Variants in UBE2D2 observed in about 807,000 individuals in gnomAD.
UBE2D2 encodes the protein ubiquitin conjugating enzyme E2 D2.
Under a neutral mutation model 24.2 loss-of-function variants are expected in UBE2D2, and 2 were observed. The observed-to-expected ratio is 0.08, with a 90% CI of 0.03 to 0.26. The LOEUF (loss-of-function observed/expected upper bound fraction) is 0.26. UBE2D2 is among the 10% of genes least tolerant of loss of function. UBE2D2 has a pLI of 1.00. For missense variants in UBE2D2, 44 were observed against 177.6 expected, an observed-to-expected ratio of 0.25 and a Z score of 4.28; for synonymous variants, 58 against 56.5, an observed-to-expected ratio of 1.03 and a Z score of -0.12.
At chr5:139,611,263 TGCA>T (rs1754314236) in intron 2 of UBE2D2, among the ~76,000 whole-genome samples, 1 of 141,192 alleles carries the variant, frequency 7.1e-6, no homozygotes, top group Non-Finnish European at 1.5e-5. Context: ...CTCAGCTCAC[TGCA>T]GCATTCACCT....
rs1010485038 is a variant in UBE2D2, at chr5:139,549,220, C to T, written c.-64+22608C>T. 5.3e-5 allele frequency among the ~76,000 whole-genome samples: 8 copies of T among 152,158 alleles called. No individual in the cohort carries two copies. The South Asian group carries it at 6.2e-4, about 12-fold the overall frequency. ...CCCTCACTCATTCTGGGCGCCTCCT[C>T]GGCCTCGGCGTCCACTCTGGCTGCG... On this transcript the variant is annotated intron_variant, in intron 1 of 6. Transcript: ENST00000511725.
At chr5:139,623,347 A>T (rs370491056) in intron 5 of UBE2D2, 21 bp from the exon 6 acceptor site, 6 of 1,548,458 alleles carry the variant, frequency 3.9e-6, no homozygotes, top group Non-Finnish European at 5.3e-6. Context: ...CTGCTAATTT[A>T]TATGATTTTT....
chr5:139,601,863 T>C (rs933853272), intron 2 of UBE2D2, among the ~76,000 whole-genome samples: 1 of 147,458 alleles, frequency 6.8e-6, no homozygotes, highest in Non-Finnish European at 1.5e-5. Flanking sequence ...TGAGCTGAGA[T>C]TGTGCCACTG....
At chr5:139,563,218 C>A (rs1239156585) in intron 1 of UBE2D2, among the ~76,000 whole-genome samples, 2 of 152,200 alleles carry the variant, frequency 1.3e-5, no homozygotes, top group East Asian at 3.8e-4. Context: ...TTAAACACCT[C>A]AGCTCAGCGG....
At position 139,531,309 on chromosome 5, in the gene UBE2D2, G is replaced by A. The variant is rs567953265; in HGVS notation, c.-64+4697G>A. On this transcript the variant is annotated intron_variant, in intron 1 of 6. Coordinates refer to the UBE2D2 transcript ENST00000511725. The stretch of plus-strand genomic sequence containing the variant: ...TCCAGCCATTGTATAGAAGAACATT[G>A]TGAAATTCCCTGCCCTGTTCTGTTT... Among the ~76,000 whole-genome samples, 18 of 152,294 alleles carry A rather than the reference G, an allele frequency of 1.2e-4. 2 individuals are homozygous for A. The highest frequency in any genetic ancestry group is 4.1e-4 in the African/African-American group (17 of 41,558).
chr5:139,556,835 CT>C (rs563152839), upstream of UBE2D2, among the ~76,000 whole-genome samples: 1,708 of 144,158 alleles, frequency 0.012, 13 homozygotes, highest in African/African-American at 0.033. Flanking sequence ...TAGTTCCATA[CT>C]TTTTTTTTTT....
intron 1 of UBE2D2, among the ~76,000 whole-genome samples, chr5:139,583,446 C>G (rs1476514811): frequency 6.6e-6 from 1 of 152,068 alleles, no homozygotes; most frequent in African/African-American, 2.4e-5. Context: ...TTGTGCATGA[C>G]AAATATATAC....
rs546641800 is a variant in UBE2D2, at chr5:139,599,786, A to G, written c.25-586A>G. 2.6e-5 allele frequency among the ~76,000 whole-genome samples: 4 copies of G among 152,126 alleles called. No individual in the cohort carries two copies. The East Asian group carries it at 7.8e-4, about 30-fold the overall frequency. ...AAAAAACAGTATTTTTGGCTCTTTA[A>G]TACATAATACATGTTTTTTGTTTGT... On this transcript the variant is annotated intron_variant, in intron 1 of 6. Coordinates refer to ENST00000398733, the MANE Select transcript of UBE2D2 (RefSeq NM_003339.3).
At chr5:139,626,091 C>G (rs1358618325) in intron 6 of UBE2D2, among the ~76,000 whole-genome samples, 1 of 151,128 alleles carries the variant, frequency 6.6e-6, no homozygotes, top group African/African-American at 2.4e-5. Flanking sequence ...TTTTTTGAGA[C>G]AGAGCCTCAC....
In UBE2D2 at chr5:139,585,027, T is replaced by A. The variant is rs145090925; in HGVS notation, c.25-15345T>A. Among the ~76,000 whole-genome samples the A allele has an allele frequency of 7.8e-3, 1,175 of 150,614 alleles. 8 individuals carry two copies. Among genetic ancestry groups the A allele is most frequent in the Middle Eastern group, 0.041 (12 of 290 alleles). ...GTGATTATCTTGCCTCAGCCTCCCA[T>A]GTAGCTGGGATTACAGGCATGCACC... On this transcript the variant is annotated intron_variant, in intron 1 of 6. Transcript: ENST00000398733.
intron 1 of UBE2D2, among the ~76,000 whole-genome samples, chr5:139,533,528 T>C (rs1752624977): frequency 1.3e-5 from 2 of 151,628 alleles, no homozygotes; most frequent in South Asian, 4.2e-4. Context: ...CTGGCGCCGT[T>C]AATCCCAGCT....
intron 1 of UBE2D2, among the ~76,000 whole-genome samples, chr5:139,576,603 G>C (rs536576130): frequency 1.3e-5 from 2 of 151,894 alleles, no homozygotes; most frequent in Admixed American, 6.6e-5. Context: ...TCCTGACCTC[G>C]TGATCTGCCC....
intron 2 of UBE2D2, among the ~76,000 whole-genome samples, chr5:139,601,923 A>G (rs878906920): frequency 6.6e-6 from 1 of 151,896 alleles, no homozygotes. Flanking sequence ...AAAAAAAAAA[A>G]GAAAAAAAAA....
At chr5:139,610,267 GCA>G (rs1561519274) in intron 2 of UBE2D2, among the ~76,000 whole-genome samples, 1 of 151,506 alleles carries the variant, frequency 6.6e-6, no homozygotes, top group African/African-American at 2.4e-5. Context: ...TTACGGCCGG[GCA>G]CAGTGGCTCA....
intron 2 of UBE2D2, among the ~76,000 whole-genome samples, chr5:139,610,404 G>C (rs2126697099): frequency 6.6e-6 from 1 of 152,102 alleles, no homozygotes; most frequent in South Asian, 2.1e-4. Flanking sequence ...AGCCTGGTGT[G>C]GTGGTGTGTG....
At chr5:139,569,144 T>C (rs1753301742) in intron 1 of UBE2D2, among the ~76,000 whole-genome samples, 1 of 152,206 alleles carries the variant, frequency 6.6e-6, no homozygotes, top group African/African-American at 2.4e-5. Flanking sequence ...AGTTCTATCT[T>C]GGATAGTTCT....
intron 1 of UBE2D2, among the ~76,000 whole-genome samples, chr5:139,568,855 C>T (rs1031337812): frequency 2.0e-5 from 3 of 151,744 alleles, no homozygotes; most frequent in Non-Finnish European, 4.4e-5. Context: ...CCTGTGATCC[C>T]AGTTACTGGG....
intron 1 of UBE2D2, among the ~76,000 whole-genome samples, chr5:139,537,667 T>A (rs1000455243): frequency 2.0e-5 from 3 of 151,722 alleles, no homozygotes; most frequent in Non-Finnish European, 4.4e-5. Context: ...AAGAATTTTA[T>A]TAAGAGAAAT....
chr5:139,619,695 T>G (rs763154557), intron 5 of UBE2D2, among the ~76,000 whole-genome samples: 1 of 151,994 alleles, frequency 6.6e-6, no homozygotes, highest in Non-Finnish European at 1.5e-5. Context: ...AAACCCCATC[T>G]CTACCAAAAA....
Sources: allele counts gnomAD v4.1 joint callset (sites outside exome capture counted in the v4.1 genomes callset), GRCh38; gene constraint gnomAD v4.1.1; transcripts MANE v1.5; gene names NCBI Gene and HGNC (gene_info 2026-07-23, HGNC 2026-07-21).